The following ATXN7 variants were observed in gnomAD, a reference collection of about 807,000 sequenced individuals.
ATXN7 encodes the protein ataxin-7.
In ATXN7, 12 loss-of-function variants were observed where a neutral mutation model predicts 70.5. The observed-to-expected ratio is 0.17, with a 90% CI of 0.11 to 0.28. The LOEUF (loss-of-function observed/expected upper bound fraction) is 0.28, where lower values mean the gene tolerates loss of function less well. Among genes scored for constraint, ATXN7 ranks in the 10% least tolerant of loss-of-function variants. ATXN7 has a pLI of 1.00. For synonymous variants in ATXN7, 498 were observed against 448.7 expected (o/e 1.11, Z -1.39); for missense variants, 1,256 against 1,131.7 (o/e 1.11, Z -1.58).
chr3:63,996,558 T>G, intron 12 of ATXN7, 75 bp downstream of exon 12: 1 of 1,519,786 alleles, frequency 6.6e-7, no homozygotes, highest in South Asian at 1.2e-5. Context: ...CTCAGAAATG[T>G]GTTTGGTTGG....
At chr3:63,937,064 A>G (rs1266465997) in intron 4 of ATXN7, among the ~76,000 whole-genome samples, 1 of 152,192 alleles carries the variant, frequency 6.6e-6, no homozygotes, top group Non-Finnish European at 1.5e-5. Context: ...GCCTAGTGTA[A>G]TTATTTTTGC....
At chr3:63,966,249 C>T (rs1287572103) in intron 5 of ATXN7, among the ~76,000 whole-genome samples, 1 of 152,102 alleles carries the variant, frequency 6.6e-6, no homozygotes, top group East Asian at 1.9e-4. Flanking sequence ...ATCCTCCTAC[C>T]CTGTTCTTTT....
chr3:63,903,142 TC>T (rs912025588), intron 2 of ATXN7, among the ~76,000 whole-genome samples: 4 of 151,888 alleles, frequency 2.6e-5, no homozygotes, highest in African/African-American at 9.7e-5. Context: ...CGCCTGTAAT[TC>T]CGGCACTTTG....
At chr3:63,910,991 A>G (rs114065449) in intron 2 of ATXN7, among the ~76,000 whole-genome samples, 200 of 152,240 alleles carry the variant, frequency 1.3e-3, no homozygotes, top group African/African-American at 4.7e-3. Context: ...AAGTTGGACC[A>G]ACAAAGAAGT....
chr3:63,956,561 C>T (rs959928646), intron 5 of ATXN7, among the ~76,000 whole-genome samples: 4 of 152,000 alleles, frequency 2.6e-5, no homozygotes, highest in Admixed American at 2.6e-4. Flanking sequence ...AGCAGCTTCC[C>T]AAGGCCCACT....
At chr3:63,999,345 A>T in intron 12 of ATXN7, 105 bp from the exon 13 acceptor site, 1 of 924,148 alleles carries the variant, frequency 1.1e-6, no homozygotes, top group Non-Finnish European at 1.7e-6. Context: ...TGGAGACTTT[A>T]GTAGCGTGCA....
intron 8 of ATXN7, among the ~76,000 whole-genome samples, chr3:63,985,942 C>G (rs537686226): frequency 6.6e-5 from 10 of 152,158 alleles, no homozygotes; most frequent in Non-Finnish European, 7.4e-5. Context: ...TATTAATCAC[C>G]AAAATAACTG....
chr3:63,913,597 G>A (rs1430193404), intron 4 of ATXN7, among the ~76,000 whole-genome samples: 1 of 152,188 alleles, frequency 6.6e-6, no homozygotes, highest in African/African-American at 2.4e-5. Flanking sequence ...TTTTCTGTTG[G>A]CAATCGAAAC....
At chr3:63,968,899 A>C (rs1312965686) in intron 5 of ATXN7, among the ~76,000 whole-genome samples, 1 of 152,208 alleles carries the variant, frequency 6.6e-6, no homozygotes, top group Non-Finnish European at 1.5e-5. Flanking sequence ...TGAGGTTGAA[A>C]TTGAGCTCCC....
intron 1 of ATXN7, among the ~76,000 whole-genome samples, chr3:63,866,010 T>C (rs1461738900): frequency 6.6e-6 from 1 of 151,840 alleles, no homozygotes; most frequent in Admixed American, 6.6e-5. Context: ...GTGTCAGTGA[T>C]TTAAAATAAT....
At chr3:63,949,307 C>T (rs553483224) in intron 4 of ATXN7, among the ~76,000 whole-genome samples, 2 of 147,596 alleles carry the variant, frequency 1.4e-5, no homozygotes, top group East Asian at 2.0e-4. Context: ...TATTTTGTAT[C>T]CTCTAGTTTA....
At chr3:63,954,192 A>G (rs533315745) in intron 5 of ATXN7, among the ~76,000 whole-genome samples, 18 of 152,232 alleles carry the variant, frequency 1.2e-4, no homozygotes, top group Non-Finnish European at 2.2e-4. Context: ...AATACAGACA[A>G]TATTTTGGAA....
intron 11 of ATXN7, among the ~76,000 whole-genome samples, chr3:63,995,034 A>G (rs917115127): frequency 6.6e-6 from 1 of 152,072 alleles, no homozygotes; most frequent in African/African-American, 2.4e-5. Flanking sequence ...TTCATTCCTG[A>G]CTTCTCTCGA....
intron 2 of ATXN7, among the ~76,000 whole-genome samples, chr3:63,908,125 G>A (rs907263307): frequency 2.0e-5 from 3 of 152,122 alleles, no homozygotes; most frequent in African/African-American, 7.2e-5. Context: ...AGCTATTTAT[G>A]TCTTATCTTT....
rs897606411 is a variant in ATXN7 at position 63,998,395 on chromosome 3, CTTT to C, written c.2662-1049_2662-1047del. ...GTATACACACACGTATACACACACACTTTTTTTTCTCTTCTTAAATCTGGTATA... is the reference window on the plus strand; with the variant it reads ...GTATACACACACGTATACACACACACTTTTTCTCTTCTTAAATCTGGTATA... On this transcript the variant is annotated intron_variant, in intron 12 of 12. Coordinates refer to ENST00000674280, the MANE Select transcript of ATXN7 (RefSeq NM_001377405.1). 1.4e-4 allele frequency: 140 copies of C among 985,032 alleles called. 2 individuals carry two copies. In the African/African-American group the frequency reaches 2.1e-3, roughly 15 times the overall value. 61.0% of individuals were successfully genotyped at this position (985,032 alleles called of 1,614,324 possible).
intron 5 of ATXN7, chr3:63,968,034 G>A: frequency 7.3e-7 from 1 of 1,375,130 alleles, no homozygotes; most frequent in Non-Finnish European, 1.0e-6. Flanking sequence ...AGCTCTGGAT[G>A]AGCCTGTGGA....
Position 64,001,938 on chromosome 3 carries a change from C to G in ATXN7, c.*2471C>G, listed in dbSNP as rs1014621620. ...GACAGACTTTGGTATCAATTTAAAA[C>G]CAAGATAATTTTTATATTCTTTCCA... On this transcript the variant is annotated 3_prime_UTR_variant, in exon 13 of 13. Transcript: ENST00000674280. 2.6e-5 allele frequency: 4 copies of G among 151,594 alleles called. No individual in the cohort carries two copies. The East Asian group carries it at 7.8e-4, about 29-fold the overall frequency. 9.4% of individuals were successfully genotyped at this position (151,594 alleles called of 1,614,324 possible).
chr3:63,869,477 G>A (rs550975902), intron 1 of ATXN7, among the ~76,000 whole-genome samples: 1 of 152,160 alleles, frequency 6.6e-6, no homozygotes, highest in African/African-American at 2.4e-5. Context: ...AGGCTGGAGT[G>A]CAGTGGCATG....
chr3:63,967,552 A>G (rs541678654), intron 5 of ATXN7, among the ~76,000 whole-genome samples: 19 of 152,320 alleles, frequency 1.2e-4, no homozygotes, highest in Admixed American at 9.1e-4. Context: ...TATACCTGGT[A>G]GTAGCTTTGT....
Sources: allele counts gnomAD v4.1 joint callset (sites outside exome capture counted in the v4.1 genomes callset), GRCh38; gene constraint gnomAD v4.1.1; transcripts MANE v1.5; gene names NCBI Gene and HGNC (gene_info 2026-07-23, HGNC 2026-07-21).